Variants in PSMD4 observed in about 807,000 individuals in gnomAD.
PSMD4 encodes the protein proteasome 26S subunit ubiquitin receptor, non-ATPase 4.
PSMD4 carries 5 observed loss-of-function variants against 39.7 expected under a neutral mutation model. That is an observed-to-expected ratio of 0.13 (90% CI 0.07 to 0.26). The LOEUF is 0.26. PSMD4 is among the 10% of genes least tolerant of loss of function. The pLI, the probability that PSMD4 is intolerant of heterozygous loss-of-function variation, is 1.00. For synonymous variants in PSMD4, 143 were observed against 174.6 expected, an observed-to-expected ratio of 0.82 and a Z score of 1.43; for missense variants, 272 against 486.1, an observed-to-expected ratio of 0.56 and a Z score of 4.14.
intron 5 of PSMD4, 21 bp downstream of exon 5, chr1:151,265,255 G>A: frequency 1.9e-6 from 3 of 1,608,460 alleles, no homozygotes; most frequent in South Asian, 2.2e-5. Flanking sequence ...ACTGATTGGA[G>A]GGCATTGACT....
At chr1:151,262,465 T>C (rs1375060309) in intron 2 of PSMD4, 164 bp downstream of exon 2, 1 of 788,838 alleles carries the variant, frequency 1.3e-6, no homozygotes, top group Non-Finnish European at 2.1e-6. Context: ...TTAACCTGTA[T>C]TTAATGTAGT....
chr1:151,262,063 A>T (rs947701550), intron 1 of PSMD4, 98 bp from the exon 2 acceptor site: 1 of 1,344,832 alleles, frequency 7.4e-7, no homozygotes, highest in Non-Finnish European at 1.1e-6. Flanking sequence ...AGGTGATGCT[A>T]TGAAGACTGC....
At position 151,263,932 on chromosome 1, in the gene PSMD4, C is replaced by G; in HGVS notation, c.186C>G (p.Thr62=). 6.3e-7 allele frequency: 1 copy of G among 1,588,346 alleles called. No homozygotes were observed. The highest frequency in any genetic ancestry group is 8.6e-7 in the Non-Finnish European group (1 of 1,167,588). Residue 62 remains threonine (T), a synonymous_variant, in exon 3 of 10, where the codon ACC becomes ACG. Coordinates refer to ENST00000368884, the MANE Select transcript of PSMD4 (RefSeq NM_002810.4). ...ATCCCAGTGACTGTGAAGTGCTGAC[C>G]ACACTCACCCCAGACACTGGCCGTA... The part of the protein sequence containing the change: ...ITLANDCEVL[T]TLTPDTGRIL...
chr1:151,260,586 G>A (rs1217094942), intron 1 of PSMD4, among the ~76,000 whole-genome samples: 1 of 151,578 alleles, frequency 6.6e-6, no homozygotes, highest in Admixed American at 6.6e-5. Context: ...TCTTTTTTTT[G>A]AGGCAGTGGC....
At chr1:151,266,479 GT>G in intron 8 of PSMD4, 40 bp downstream of exon 8, 1 of 1,614,218 alleles carries the variant, frequency 6.2e-7, no homozygotes, top group Admixed American at 1.7e-5. Context: ...AGAGGTTGGG[GT>G]GAGGAAGTGT....
chr1:151,258,617 T>C (rs1281911000), intron 1 of PSMD4, among the ~76,000 whole-genome samples: 1 of 151,764 alleles, frequency 6.6e-6, no homozygotes, highest in Non-Finnish European at 1.5e-5. Context: ...CTTACCACCA[T>C]GCCCAGCTAT....
chr1:151,264,777 A>G, intron 3 of PSMD4, 55 bp from the exon 4 acceptor site: 1 of 1,407,074 alleles, frequency 7.1e-7, no homozygotes, highest in Non-Finnish European at 1.0e-6. Flanking sequence ...GTGACAGAGG[A>G]AAGAGCTGAG....
chr1:151,264,035 C>G lies in PSMD4; in HGVS notation c.282+7C>G. ...GGGCATCCGCGTGGCCCATGTGAGTCCTACTGGGTTCCCTGGACCTTTCCT... is the reference window on the plus strand; with the variant it reads ...GGGCATCCGCGTGGCCCATGTGAGTGCTACTGGGTTCCCTGGACCTTTCCT... On this transcript the variant is annotated splice_region_variant and intron_variant, in intron 3 of 9. Transcript: ENST00000368884. 1 of 1,563,990 alleles carries G rather than the reference C, an allele frequency of 6.4e-7. No homozygotes were observed. Among genetic ancestry groups the G allele is most frequent in the South Asian group, 1.2e-5 (1 of 86,158 alleles).
At chr1:151,255,844 C>T (rs1417441139) in intron 1 of PSMD4, among the ~76,000 whole-genome samples, 1 of 152,070 alleles carries the variant, frequency 6.6e-6, no homozygotes, top group East Asian at 1.9e-4. Context: ...AGTGATTGAA[C>T]TAATTTACAC....
chr1:151,265,559 A>G lies in PSMD4; in HGVS notation c.604A>G (p.Ser202Gly), dbSNP rs1283648743. ...EGGAMLGLGA[S>G]DFEFGVDPSA... ...TGGTGCCATGCTGGGTCTTGGTGCC[A>G]GTGACTTTGAATTTGGAGTAGATCC... The change falls in exon 6 of 10, where the codon AGT (serine) becomes GGT (glycine). Residue 202 changes from serine to glycine, a missense_variant. By Grantham distance (56) the Ser-to-Gly change is moderately conservative. Coordinates refer to ENST00000368884, the MANE Select transcript of PSMD4 (RefSeq NM_002810.4). 1.2e-6 allele frequency: 2 copies of G among 1,614,008 alleles called. No homozygotes were observed. The highest frequency in any genetic ancestry group is 3.3e-5 in the Admixed American group (2 of 59,984).
chr1:151,261,452 G>C (rs1437332650), intron 1 of PSMD4, among the ~76,000 whole-genome samples: 2 of 152,098 alleles, frequency 1.3e-5, no homozygotes, highest in Non-Finnish European at 2.9e-5. Context: ...TGGGATTACA[G>C]ACATGAGCCA....
In PSMD4 at chr1:151,264,017, CGCGTGGCCCAT is replaced by C; in HGVS notation, c.273_282+1del. ...CAAGATCACCTTCTGCACGGGCATC[CGCGTGGCCCAT>C]GTGAGTCCTACTGGGTTCCCTGGAC... On this transcript the variant is annotated frameshift_variant and splice_region_variant, in exon 3 of 10. Coordinates refer to ENST00000368884, the MANE Select transcript of PSMD4 (RefSeq NM_002810.4). LOFTEE classifies it high-confidence loss of function. 1 of 1,596,406 alleles carries C rather than the reference CGCGTGGCCCAT, an allele frequency of 6.3e-7. No individual in the cohort carries two copies. Among genetic ancestry groups the C allele is most frequent in the Non-Finnish European group, 8.5e-7 (1 of 1,171,056 alleles).
rs751785323 is a variant in PSMD4, at chr1:151,265,454, G to T, written c.499G>T (p.Gly167Cys). The T allele has an allele frequency of 1.2e-5, 20 of 1,614,206 alleles. No individual in the cohort carries two copies. Among genetic ancestry groups the T allele is most frequent in the Non-Finnish European group, 1.7e-5 (20 of 1,180,036 alleles). ...VNTLNGKDGT[G>C]SHLVTVPPGP... ...CACGTTGAATGGCAAAGATGGAACC[G>T]GTTCTCATCTGGTGACAGTGCCTCC... The change falls in exon 6 of 10, where the codon GGT becomes TGT. Residue 167 changes from glycine to cysteine, a missense_variant. Physicochemically the swap from Gly to Cys is radical, Grantham distance 159 (BLOSUM62 -3). Transcript: ENST00000368884.
Position 151,264,877 on chromosome 1 carries a change from A to G in PSMD4, c.328A>G (p.Ile110Val), listed in dbSNP as rs777675118. Reference sequence around the variant, plus strand: ...AGGCAAGAATCACAAGATGCGCATCATTGCCTTTGTGGGAAGCCCAGTGGA... The same window carrying G: ...AGGCAAGAATCACAAGATGCGCATCGTTGCCTTTGTGGGAAGCCCAGTGGA... ...RQGKNHKMRI[I>V]AFVGSPVEDN... The change falls in exon 4 of 10, where the codon ATT becomes GTT. Residue 110 changes from isoleucine (I) to valine (V), a missense_variant. By Grantham distance (29) the Ile-to-Val change is conservative (BLOSUM62 3). Transcript: ENST00000368884. 13 of 1,613,804 alleles carry G rather than the reference A, an allele frequency of 8.1e-6. No individual in the cohort carries two copies. In the Admixed American group the frequency reaches 8.3e-5, roughly 10 times the overall value.
Position 151,262,154 on chromosome 1 carries a change from C to A in PSMD4, c.27-7C>A, listed in dbSNP as rs754874864. ...TTCTCTCTTGTCCTTCAACCCTAAT[C>A]TGACAGTGTGGACAACAGTGAGTAT... On this transcript the variant is annotated splice_region_variant and splice_polypyrimidine_tract_variant and intron_variant, in intron 1 of 9. Coordinates refer to ENST00000368884, the MANE Select transcript of PSMD4 (RefSeq NM_002810.4). 1.9e-6 allele frequency: 3 copies of A among 1,614,092 alleles called. No homozygotes were observed. In the East Asian group the frequency reaches 6.7e-5, roughly 36 times the overall value.
rs1693404692 is a variant in PSMD4 at position 151,265,242 on chromosome 1, G to A, written c.438+8G>A. On this transcript the variant is annotated splice_region_variant and intron_variant, in intron 5 of 9. Transcript: ENST00000368884. ...ATCAATTTTGGGGAAGAGGTGAGTAGGGACTGATTGGAGGGCATTGACTTA... is the reference window on the plus strand; with the variant it reads ...ATCAATTTTGGGGAAGAGGTGAGTAAGGACTGATTGGAGGGCATTGACTTA... 6.2e-7 allele frequency: 1 copy of A among 1,611,810 alleles called. No individual in the cohort carries two copies. Among genetic ancestry groups the A allele is most frequent in the African/African-American group, 1.3e-5 (1 of 74,974 alleles).
rs894197304 is a variant in PSMD4, at chr1:151,266,955, G to C, written c.964-218G>C. ...TTCTCCTCAGAGCTCAATTAACAGA[G>C]TTCTCAGCAGGCCCCTCTATTTGGT... On this transcript the variant is annotated intron_variant, in intron 9 of 9. Transcript: ENST00000368884. 4.2e-6 allele frequency: 3 copies of C among 718,804 alleles called. No individual in the cohort carries two copies. In the Admixed American group the frequency reaches 6.0e-5, roughly 14 times the overall value. The allele number at this position is 718,804 out of a possible 1,614,324, so 44.5% of individuals were successfully genotyped here.
Position 151,267,205 on chromosome 1 carries a change from C to G in PSMD4, c.996C>G (p.Pro332=). 1 of 1,613,880 alleles carries G rather than the reference C, an allele frequency of 6.2e-7. No individual in the cohort carries two copies. The highest frequency in any genetic ancestry group is 8.5e-7 in the Non-Finnish European group (1 of 1,179,850). The part of the protein sequence containing the change: ...EEDDYDVMQD[P]EFLQSVLENL... ...ATGATTACGACGTGATGCAGGACCC[C>G]GAGTTCCTTCAGAGTGTCCTAGAGA... The change falls in exon 10 of 10, where the codon CCC becomes CCG. Residue 332 remains proline, a synonymous_variant. Transcript: ENST00000368884.
intron 1 of PSMD4, among the ~76,000 whole-genome samples, chr1:151,255,753 C>A (rs1693149796): frequency 6.6e-6 from 1 of 151,950 alleles, no homozygotes; most frequent in Non-Finnish European, 1.5e-5. Flanking sequence ...TTGAGACGGT[C>A]TCGCTCTGTC....
Sources: gnomAD v4.1 joint callset for allele counts (sites outside exome capture counted in the v4.1 genomes callset) on GRCh38, gnomAD v4.1.1 for gene constraint, MANE v1.5 for transcripts, NCBI Gene and HGNC (gene_info 2026-07-23, HGNC 2026-07-21) for gene names.